The following CTNNA3 variants were observed in gnomAD, a reference collection of about 807,000 sequenced individuals.
The protein encoded by CTNNA3 is catenin alpha 3, also known as catenin alpha-3.
Under a neutral mutation model 95.7 loss-of-function variants are expected in CTNNA3, and 76 were observed. The ratio of observed to expected loss-of-function variants is 0.79; its 90% CI spans 0.66 to 0.96. CTNNA3 has a LOEUF of 0.96. Among genes scored for constraint, CTNNA3 ranks in the 40% least tolerant of loss-of-function variants. The pLI, the probability that CTNNA3 is intolerant of heterozygous loss-of-function variation, is 0.00. For missense variants in CTNNA3, 1,191 were observed against 1,089.8 expected (o/e 1.09, Z -1.31); for synonymous variants, 431 against 374.4 (o/e 1.15, Z -1.74).
At position 67,232,201 on chromosome 10, in the gene CTNNA3, C is replaced by T. The variant is rs547475066; in HGVS notation, c.580-12331G>A. 8.7e-4 allele frequency among the ~76,000 whole-genome samples: 132 copies of T among 152,188 alleles called. 1 individual carries two copies. Among genetic ancestry groups the T allele is most frequent in the African/African-American group, 2.9e-3 (122 of 41,494 alleles). On this transcript the variant is annotated intron_variant, in intron 5 of 17. Coordinates refer to ENST00000433211, the MANE Select transcript of CTNNA3 (RefSeq NM_013266.4). ...CCTCGAGAAGAGCAACTCCAAGACA[C>T]ATAATTGTCAGATTCACCAAAGTTA... is the stretch of plus-strand genomic sequence containing the variant.
chr10:66,709,965 C>T (rs528489155), intron 9 of CTNNA3, among the ~76,000 whole-genome samples: 51 of 152,190 alleles, frequency 3.4e-4, no homozygotes, highest in Admixed American at 7.9e-4. Flanking sequence ...TAACACTATA[C>T]GTTGCTTTTG....
chr10:66,440,609 C>G (rs532409588), intron 11 of CTNNA3, among the ~76,000 whole-genome samples: 1 of 152,186 alleles, frequency 6.6e-6, no homozygotes, highest in South Asian at 2.1e-4. Context: ...CCATCTGACT[C>G]CAGATTATAT....
chr10:66,183,393 A>G (rs923626301), intron 13 of CTNNA3, among the ~76,000 whole-genome samples: 3 of 152,250 alleles, frequency 2.0e-5, no homozygotes, highest in Non-Finnish European at 4.4e-5. Context: ...TCGTGAAGGT[A>G]TAACTTTGTA....
At chr10:67,149,311 T>C (rs1016100486) in intron 7 of CTNNA3, among the ~76,000 whole-genome samples, 1 of 151,944 alleles carries the variant, frequency 6.6e-6, no homozygotes, top group Admixed American at 6.6e-5. Context: ...AGAGGCCGGG[T>C]GCAGTGGCTC....
intron 7 of CTNNA3, among the ~76,000 whole-genome samples, chr10:67,072,430 A>G (rs1856514587): frequency 6.6e-6 from 1 of 152,132 alleles, no homozygotes; most frequent in Non-Finnish European, 1.5e-5. Context: ...ACCTATTTGT[A>G]TGTCTACGTA....
At chr10:66,736,141 T>C (rs1394390598) in intron 9 of CTNNA3, among the ~76,000 whole-genome samples, 1 of 152,088 alleles carries the variant, frequency 6.6e-6, no homozygotes, top group Non-Finnish European at 1.5e-5. Context: ...ATTACAGCCA[T>C]TGAGATTCTG....
chr10:66,727,763 G>C (rs1848824349), intron 9 of CTNNA3, among the ~76,000 whole-genome samples: 1 of 152,068 alleles, frequency 6.6e-6, no homozygotes, highest in Non-Finnish European at 1.5e-5. Context: ...CAGTACGTTA[G>C]AAAATAATTT....
Position 66,602,417 on chromosome 10 carries a change from G to A in CTNNA3, c.1374+19275C>T, listed in dbSNP as rs569864280. Among the ~76,000 whole-genome samples, 13 of 151,956 alleles carry A rather than the reference G, an allele frequency of 8.6e-5. 1 individual carries two copies. In the South Asian group the frequency reaches 2.5e-3, roughly 29 times the overall value. Reference sequence around the variant, plus strand: ...GTTTATGTATTTAAGGTTAATCTAAGTGTGAACCACCTACAAGTCCAGGAT... The same window carrying A: ...GTTTATGTATTTAAGGTTAATCTAAATGTGAACCACCTACAAGTCCAGGAT... On this transcript the variant is annotated intron_variant, in intron 10 of 17. Transcript: ENST00000433211.
At chr10:65,941,609 C>A (rs1365030426) in intron 17 of CTNNA3, among the ~76,000 whole-genome samples, 2 of 152,092 alleles carry the variant, frequency 1.3e-5, no homozygotes, top group Non-Finnish European at 2.9e-5. Context: ...GGGAAGGAGG[C>A]CAGGATTTGT....
chr10:65,964,924 T>C (rs2077925230), intron 17 of CTNNA3, among the ~76,000 whole-genome samples: 1 of 152,200 alleles, frequency 6.6e-6, no homozygotes, highest in Non-Finnish European at 1.5e-5. Context: ...TAAATGTATA[T>C]ATACATACAT....
At chr10:66,150,632 C>G (rs1335554130) in intron 13 of CTNNA3, among the ~76,000 whole-genome samples, 1 of 151,610 alleles carries the variant, frequency 6.6e-6, no homozygotes, top group East Asian at 1.9e-4. Context: ...TTATCATTTC[C>G]TTGTGTTGGG....
intron 1 of CTNNA3, among the ~76,000 whole-genome samples, chr10:67,654,954 C>T (rs957105914): frequency 1.3e-5 from 2 of 151,986 alleles, no homozygotes; most frequent in Admixed American, 6.6e-5. Flanking sequence ...GTTAAATAGT[C>T]GAAAACACAG....
chr10:67,421,752 T>C (rs1845755846), intron 5 of CTNNA3, among the ~76,000 whole-genome samples: 1 of 152,216 alleles, frequency 6.6e-6, no homozygotes, highest in Non-Finnish European at 1.5e-5. Flanking sequence ...AGATATTTTC[T>C]TCTACTCTTT....
At chr10:67,703,891 C>T (rs572842147) in intron 1 of CTNNA3, among the ~76,000 whole-genome samples, 5 of 152,294 alleles carry the variant, frequency 3.3e-5, no homozygotes, top group Admixed American at 3.3e-4. Flanking sequence ...TGTCTCAGCC[C>T]TAAATCTCCT....
intron 7 of CTNNA3, among the ~76,000 whole-genome samples, chr10:67,148,719 A>C (rs1378683049): frequency 5.3e-5 from 8 of 152,198 alleles, no homozygotes; most frequent in South Asian, 2.1e-4. Flanking sequence ...AATGTGACCC[A>C]AGGTGAAATC....
intron 13 of CTNNA3, among the ~76,000 whole-genome samples, chr10:66,272,816 C>T (rs1028150974): frequency 6.6e-6 from 1 of 152,180 alleles, no homozygotes; most frequent in African/African-American, 2.4e-5. Flanking sequence ...CCCCAACCCC[C>T]TTATCCACAG....
intron 15 of CTNNA3, among the ~76,000 whole-genome samples, chr10:66,010,232 G>A (rs918547048): frequency 2.6e-5 from 4 of 152,116 alleles, no homozygotes; most frequent in Non-Finnish European, 4.4e-5. Context: ...GGCTAAATCA[G>A]TTCCAAATAG....
chr10:66,871,147 C>T (rs1218012782), intron 7 of CTNNA3, among the ~76,000 whole-genome samples: 2 of 152,094 alleles, frequency 1.3e-5, no homozygotes. Context: ...AACTCATTGG[C>T]AGAAAGCAGA....
chr10:66,385,289 A>G (rs1375484550), intron 11 of CTNNA3, among the ~76,000 whole-genome samples: 1 of 152,230 alleles, frequency 6.6e-6, no homozygotes, highest in Non-Finnish European at 1.5e-5. Context: ...AATACAAACT[A>G]CCATCAGAGA....
Sources: allele counts gnomAD v4.1 joint callset (sites outside exome capture counted in the v4.1 genomes callset), GRCh38; gene constraint gnomAD v4.1.1; transcripts MANE v1.5; gene names NCBI Gene and HGNC (gene_info 2026-07-23, HGNC 2026-07-21).